The following ANXA2 variants were observed in gnomAD, a reference collection of about 807,000 sequenced individuals.
ANXA2 encodes annexin A2, also known as annexin II.
In ANXA2, 28 loss-of-function variants were observed where a neutral mutation model predicts 47.3. That is an observed-to-expected ratio of 0.59 (90% confidence interval 0.44 to 0.81). The LOEUF (loss-of-function observed/expected upper bound fraction) is 0.81. Ranked by LOEUF, ANXA2 falls within the 40% of genes least tolerant of loss-of-function variation. The probability of loss-of-function intolerance (pLI) is 0.00; values close to 1 mark genes in which losing one functional copy is unlikely to be tolerated. For missense variants in ANXA2, 384 were observed against 414.3 expected (o/e 0.93, Z 0.64); for synonymous variants, 172 against 155.5 (o/e 1.11, Z -0.79).
chr15:60,363,561 A>C (rs1280054552), intron 4 of ANXA2, among the ~76,000 whole-genome samples: 1 of 152,234 alleles, frequency 6.6e-6, no homozygotes, highest in African/African-American at 2.4e-5. Context: ...TAATAGCAAG[A>C]AGTTAAAAAT....
chr15:60,357,696 A>G (rs990085947), intron 5 of ANXA2, among the ~76,000 whole-genome samples: 1 of 152,028 alleles, frequency 6.6e-6, no homozygotes, highest in Non-Finnish European at 1.5e-5. Flanking sequence ...TGGGAGGCTG[A>G]GGCAGGAGAA....
chr15:60,394,354 C>G (rs77935602), intron 1 of ANXA2, among the ~76,000 whole-genome samples: 5 of 152,274 alleles, frequency 3.3e-5, no homozygotes, highest in East Asian at 1.9e-4. Context: ...GGGTAAAACT[C>G]AGGCCACTTG....
intron 3 of ANXA2, among the ~76,000 whole-genome samples, chr15:60,377,255 T>C (rs2062793187): frequency 6.6e-6 from 1 of 152,222 alleles, no homozygotes; most frequent in South Asian, 2.1e-4. Context: ...TATCTAATAA[T>C]ATCAAGGAGA....
At chr15:60,364,257 C>G (rs1343445833) in intron 4 of ANXA2, among the ~76,000 whole-genome samples, 172 bp downstream of exon 4, 2 of 152,244 alleles carry the variant, frequency 1.3e-5, no homozygotes, top group Admixed American at 6.5e-5. Flanking sequence ...TGCACACACG[C>G]ACACACACAT....
chr15:60,377,756 T>C (rs1465188139), intron 3 of ANXA2, among the ~76,000 whole-genome samples: 1 of 152,192 alleles, frequency 6.6e-6, no homozygotes, highest in Non-Finnish European at 1.5e-5. Context: ...TACGTCTGTT[T>C]CCATTGCTAA....
chr15:60,397,162 G>A (rs1251362038), intron 1 of ANXA2: 1 of 661,854 alleles, frequency 1.5e-6, no homozygotes, highest in Non-Finnish European at 1.9e-6. Context: ...GAGGCCCCGG[G>A]GCCACGCCCT....
chr15:60,358,187 G>C (rs2062461565), intron 5 of ANXA2, among the ~76,000 whole-genome samples: 1 of 152,164 alleles, frequency 6.6e-6, no homozygotes, highest in Non-Finnish European at 1.5e-5. Flanking sequence ...GAAGCAAAAA[G>C]AAATAATGAA....
At chr15:60,369,442 C>G (rs1276206701) in intron 3 of ANXA2, among the ~76,000 whole-genome samples, 1 of 152,236 alleles carries the variant, frequency 6.6e-6, no homozygotes, top group African/African-American at 2.4e-5. Flanking sequence ...AAATACAATT[C>G]TATCCTCTAA....
intron 1 of ANXA2, among the ~76,000 whole-genome samples, chr15:60,392,820 A>G (rs1343793763): frequency 2.0e-5 from 3 of 152,324 alleles, no homozygotes; most frequent in Admixed American, 2.0e-4. Context: ...TGGTGATTCA[A>G]ATGAAGATTT....
At chr15:60,383,058 C>T (rs1428295580) in intron 2 of ANXA2, 1 of 152,466 alleles carries the variant, frequency 6.6e-6, no homozygotes, top group Non-Finnish European at 1.5e-5. Context: ...TGCCTACCAC[C>T]CTCCACTCTT....
chr15:60,361,079 G>A lies in ANXA2; in HGVS notation c.244-25C>T, dbSNP rs777521791. On this transcript the variant is annotated intron_variant, in intron 4 of 12. Transcript: ENST00000451270. ...CCTTCAAGATAACAGGCAATCATAAGGAAAATATTTATTTTACTTTAAAAC... is the reference window on the plus strand; with the variant it reads ...CCTTCAAGATAACAGGCAATCATAAAGAAAATATTTATTTTACTTTAAAAC... 2.7e-6 allele frequency: 4 copies of A among 1,473,466 alleles called. No individual in the cohort carries two copies. The East Asian group carries it at 6.8e-5, about 25-fold the overall frequency. 91.3% of individuals were successfully genotyped at this position (1,473,466 alleles called of 1,614,324 possible).
chr15:60,367,136 G>A (rs1271044433), intron 3 of ANXA2, among the ~76,000 whole-genome samples: 1 of 70,142 alleles, frequency 1.4e-5, no homozygotes, highest in Non-Finnish European at 2.8e-5. Context: ...TCAGCCCCCC[G>A]CCCGGCCAGC....
chr15:60,368,897 C>T (rs2062675695), intron 3 of ANXA2, among the ~76,000 whole-genome samples: 1 of 152,142 alleles, frequency 6.6e-6, no homozygotes, highest in Admixed American at 6.5e-5. Flanking sequence ...GGAATTACAT[C>T]TATATAATTC....
At chr15:60,368,316 A>AAAATAAAATAAAAT (rs57187491) in intron 3 of ANXA2, among the ~76,000 whole-genome samples, 1,683 of 113,956 alleles carry the variant, frequency 0.015, 13 homozygotes, top group East Asian at 0.053. Context: ...AATAAAAAAA[A>AAAATAAAATAAAAT]AAAATAAAAT....
chr15:60,353,474 T>A (rs900014894), intron 8 of ANXA2, among the ~76,000 whole-genome samples: 4 of 152,216 alleles, frequency 2.6e-5, no homozygotes, highest in African/African-American at 4.8e-5. Flanking sequence ...GATGCTTCCA[T>A]ACAAGCAAAG....
At position 60,386,090 on chromosome 15, in the gene ANXA2, G is replaced by GA; in HGVS notation, c.-11-5dup. ...ACAGTAGACATTTTGAAGGAAGCTG[G>GA]AAAAAAAGTACAACAAAAAGTCTTT... On this transcript the variant is annotated splice_polypyrimidine_tract_variant and splice_region_variant and intron_variant, in intron 1 of 12. Coordinates refer to ENST00000451270, the MANE Select transcript of ANXA2 (RefSeq NM_004039.3). 4 of 1,605,526 alleles carry GA rather than the reference G, an allele frequency of 2.5e-6. No homozygotes were observed. The highest frequency in any genetic ancestry group is 3.4e-6 in the Non-Finnish European group (4 of 1,173,476).
chr15:60,364,638 GAA>G, intron 3 of ANXA2, 115 bp from the exon 4 acceptor site: 1 of 672,942 alleles, frequency 1.5e-6, no homozygotes, highest in Admixed American at 3.4e-5. Flanking sequence ...TTTCCAAACT[GAA>G]ATACCCAGAC....
intron 11 of ANXA2, 115 bp from the exon 12 acceptor site, chr15:60,349,312 C>CA: frequency 8.0e-7 from 1 of 1,245,188 alleles, no homozygotes; most frequent in Non-Finnish European, 1.1e-6. Context: ...CTCCAAAATC[C>CA]AAAACTTTTT....
chr15:60,381,904 C>A (rs947631273), intron 3 of ANXA2, among the ~76,000 whole-genome samples: 3 of 151,918 alleles, frequency 2.0e-5, no homozygotes, highest in Non-Finnish European at 4.4e-5. Flanking sequence ...AAAAGCATAC[C>A]CCTAGGACCA....
Sources: gnomAD v4.1 joint callset for allele counts (sites outside exome capture counted in the v4.1 genomes callset) on GRCh38, gnomAD v4.1.1 for gene constraint, MANE v1.5 for transcripts, NCBI Gene and HGNC (gene_info 2026-07-23, HGNC 2026-07-21) for gene names.